The following ZNF791 variants were observed in gnomAD, a reference collection of about 807,000 sequenced individuals.
The protein encoded by ZNF791 is zinc finger protein 791.
Under a neutral mutation model 11.5 loss-of-function variants are expected in ZNF791, and 4 were observed. The observed-to-expected ratio is 0.35, with a 90% CI of 0.17 to 0.80. The LOEUF (loss-of-function observed/expected upper bound fraction) is 0.80. Among genes scored for constraint, ZNF791 ranks in the 30% least tolerant of loss-of-function variants. The pLI, the probability that ZNF791 is intolerant of heterozygous loss-of-function variation, is 0.53. For missense variants in ZNF791, 559 were observed against 699.4 expected, an observed-to-expected ratio of 0.80 and a Z score of 2.26; for synonymous variants, 212 against 228.1, an observed-to-expected ratio of 0.93 and a Z score of 0.64.
rs1377212856 is a variant in ZNF791, at chr19:12,629,286, A to G, written c.*26A>G. The G allele has an allele frequency of 7.1e-7, 1 of 1,413,394 alleles. No individual in the cohort carries two copies. Among genetic ancestry groups the G allele is most frequent in the Admixed American group, 2.6e-5 (1 of 38,100 alleles). The allele number at this position is 1,413,394 out of a possible 1,614,324, so 87.6% of individuals were successfully genotyped here. On this transcript the variant is annotated 3_prime_UTR_variant, in exon 4 of 4. Coordinates refer to ENST00000343325, the MANE Select transcript of ZNF791 (RefSeq NM_153358.3). ...AAACTCTATAAATGTGAGAAATAGG[A>G]GAAAGTTTTCAATTCTAACAGATGC...
At chr19:12,623,870 T>TG (rs767345076) in intron 2 of ZNF791, 44 bp downstream of exon 2, 12,963 of 712,650 alleles carry the variant, frequency 0.018, 464 homozygotes, top group African/African-American at 0.076. Context: ...TTTTTTTTTT[T>TG]GGGGGGGGAC....
At chr19:12,623,345 C>CA (rs1279764952) in intron 1 of ZNF791, 6 of 212,036 alleles carry the variant, frequency 2.8e-5, no homozygotes, top group African/African-American at 1.4e-4. Flanking sequence ...GACTAGGCTC[C>CA]AATGAACTGT....
At chr19:12,621,797 C>T (rs12985783) in intron 1 of ZNF791, among the ~76,000 whole-genome samples, 7 of 123,246 alleles carry the variant, frequency 5.7e-5, no homozygotes, top group African/African-American at 9.8e-5. Context: ...CCCGGCCAGC[C>T]GCCCCGTCCG....
In ZNF791 at chr19:12,628,129, C is replaced by T. The variant is rs751835495; in HGVS notation, c.600C>T (p.Ser200=). 11 of 1,614,024 alleles carry T rather than the reference C, an allele frequency of 6.8e-6. No individual in the cohort carries two copies. The Admixed American group carries it at 1.0e-4, about 15-fold the overall frequency. The change falls in exon 4 of 4, where the codon TCC becomes TCT. Residue 200 remains serine, a synonymous_variant. Transcript: ENST00000343325. ...CKQCGKALSC[S]SSLRVHERIH... ...AATGTGGAAAAGCTCTTAGTTGTTC[C>T]AGTTCGCTTCGAGTTCATGAAAGGA...
chr19:12,629,481 C>T lies in ZNF791; in HGVS notation c.*221C>T, dbSNP rs2023472815. 1 of 375,788 alleles carries T rather than the reference C, an allele frequency of 2.7e-6. No homozygotes were observed. The highest frequency in any genetic ancestry group is 4.0e-5 in the East Asian group (1 of 25,040). The allele number at this position is 375,788 out of a possible 1,614,324, so 23.3% of individuals were successfully genotyped here. ...CCATAAGATTATATAACACCTAAAA[C>T]ATTTCTATCAACCGCAATTTAGTAG... On this transcript the variant is annotated 3_prime_UTR_variant, in exon 4 of 4. Coordinates refer to ENST00000343325, the MANE Select transcript of ZNF791 (RefSeq NM_153358.3).
Position 12,628,435 on chromosome 19 carries a change from T to G in ZNF791, c.906T>G (p.Cys302Trp). 6.2e-7 allele frequency: 1 copy of G among 1,610,164 alleles called. No individual in the cohort carries two copies. Among genetic ancestry groups the G allele is most frequent in the Non-Finnish European group, 8.5e-7 (1 of 1,178,138 alleles). ...ACACTGGAGAGAAACCCTATAAATG[T>G]AAACAATGTGGTAAAGCCTTCAGAT... ...RIHTGEKPYK[C>W]KQCGKAFRCS... Residue 302 changes from cysteine to tryptophan, a missense_variant, in exon 4 of 4, where the codon TGT becomes TGG. Transcript: ENST00000343325.
At position 12,630,155 on chromosome 19, in the gene ZNF791, CA is replaced by C. The variant is rs761895024; in HGVS notation, c.*913del. The C allele has an allele frequency of 5.1e-3, 600 of 118,316 alleles. 10 individuals are homozygous for C. Among genetic ancestry groups the C allele is most frequent in the East Asian group, 0.034 (137 of 4,022 alleles). The allele number at this position is 118,316 out of a possible 1,614,324, so 7.3% of individuals were successfully genotyped here. A position where few individuals can be genotyped will look rare whatever the true frequency, so the allele number is the denominator to read the frequency against. ...AGCATGGGTGACAGTGAGACTGTAT[CA>C]AAAAAAAAAAAAAAAAATTGGCTGG... On this transcript the variant is annotated 3_prime_UTR_variant, in exon 4 of 4. Transcript: ENST00000343325.
At chr19:12,619,954 C>T (rs940821760) in intron 1 of ZNF791, among the ~76,000 whole-genome samples, 8 of 151,428 alleles carry the variant, frequency 5.3e-5, no homozygotes, top group Admixed American at 4.6e-4. Flanking sequence ...GACGGAGTCT[C>T]GCTCTGTCGC....
intron 1 of ZNF791, among the ~76,000 whole-genome samples, chr19:12,614,924 T>TTTTTTTTTTTTTTC (rs2023221717): frequency 7.5e-6 from 1 of 134,044 alleles, no homozygotes; most frequent in Non-Finnish European, 1.6e-5. Flanking sequence ...TTTTTTTTTT[T>TTTTTTTTTTTTTTC]TTTGATACAG....
At chr19:12,622,011 A>G (rs2023357330) in intron 1 of ZNF791, among the ~76,000 whole-genome samples, 1 of 135,932 alleles carries the variant, frequency 7.4e-6, no homozygotes, top group African/African-American at 2.6e-5. Flanking sequence ...TGCACTAAGA[A>G]AAATTCCTCT....
chr19:12,625,121 TTTTA>T (rs2023407206), intron 3 of ZNF791, among the ~76,000 whole-genome samples: 1 of 142,754 alleles, frequency 7.0e-6, no homozygotes, highest in African/African-American at 2.8e-5. Context: ...TATTTATTTG[TTTTA>T]TTTATTTTTT....
In ZNF791 at chr19:12,611,042, C is replaced by G. The variant is rs371871075; in HGVS notation, c.-38C>G. The stretch of plus-strand genomic sequence containing the variant: ...CTGTACCCTGCGCTGGCTCCGTGAA[C>G]CTTAGGGACAACACCGGGACACCCG... On this transcript the variant is annotated 5_prime_UTR_variant, in exon 1 of 4. Coordinates refer to ENST00000343325, the MANE Select transcript of ZNF791 (RefSeq NM_153358.3). 1 of 1,614,140 alleles carries G rather than the reference C, an allele frequency of 6.2e-7. No homozygotes were observed. Among genetic ancestry groups the G allele is most frequent in the South Asian group, 1.1e-5 (1 of 91,088 alleles).
intron 1 of ZNF791, among the ~76,000 whole-genome samples, chr19:12,622,411 C>CA (rs370413296): frequency 0.13 from 10,266 of 79,586 alleles, 896 homozygotes; most frequent in African/African-American, 0.18. Flanking sequence ...CTGTCTCAAA[C>CA]AAAAAAAAAA....
chr19:12,625,856 G>T (rs1280501743), intron 3 of ZNF791, among the ~76,000 whole-genome samples: 1 of 150,576 alleles, frequency 6.6e-6, no homozygotes, highest in African/African-American at 2.4e-5. Flanking sequence ...TTGTTTGTTT[G>T]TTTTGTGAAA....
At chr19:12,620,309 G>C (rs1392321705) in intron 1 of ZNF791, among the ~76,000 whole-genome samples, 1 of 152,076 alleles carries the variant, frequency 6.6e-6, no homozygotes, top group Non-Finnish European at 1.5e-5. Context: ...CCAAGTAGCT[G>C]AGACCACAGG....
Position 12,629,116 on chromosome 19 carries a change from T to C in ZNF791, c.1587T>C (p.Cys529=). The part of the protein sequence containing the change: ...TGEKPYKCKE[C]GKAFSLHSSF... ...AGAAACCCTATAAATGTAAAGAATG[T>C]GGGAAGGCCTTTAGTCTTCACAGTT... The change falls in exon 4 of 4, where the codon TGT becomes TGC. Residue 529 remains cysteine, a synonymous_variant. Coordinates refer to ENST00000343325, the MANE Select transcript of ZNF791 (RefSeq NM_153358.3). 1.2e-6 allele frequency: 2 copies of C among 1,605,782 alleles called. No homozygotes were observed. Among genetic ancestry groups the C allele is most frequent in the South Asian group, 2.2e-5 (2 of 89,432 alleles).
rs57575424 is a variant in ZNF791, at chr19:12,614,892, C to CTTTTTTTTTTTTTTTT, written c.3+3830_3+3845dup. ...ACAGGTGTGAGCCACTGCGTCCGGC[C>CTTTTTTTTTTTTTTTT]TTTTTTTTTTTTTTTTTTTTTTTTT... On this transcript the variant is annotated intron_variant, in intron 1 of 3. Coordinates refer to ENST00000343325, the MANE Select transcript of ZNF791 (RefSeq NM_153358.3). Among the ~76,000 whole-genome samples, 27 of 17,562 alleles carry CTTTTTTTTTTTTTTTT rather than the reference C, an allele frequency of 1.5e-3. 9 individuals are homozygous for CTTTTTTTTTTTTTTTT. Among genetic ancestry groups the CTTTTTTTTTTTTTTTT allele is most frequent in the Non-Finnish European group, 2.5e-3 (19 of 7,720 alleles). The allele number at this position is 17,562 out of a possible 152,430, so 11.5% of individuals were successfully genotyped here. A position where few individuals can be genotyped will look rare whatever the true frequency, so the allele number is the denominator to read the frequency against.
chr19:12,621,553 A>C (rs1434897643), intron 1 of ZNF791, among the ~76,000 whole-genome samples: 1 of 151,826 alleles, frequency 6.6e-6, no homozygotes, highest in Non-Finnish European at 1.5e-5. Flanking sequence ...CCATTCAGTC[A>C]GCAGAATCTG....
chr19:12,616,544 T>G (rs1393832198), intron 1 of ZNF791, among the ~76,000 whole-genome samples: 1 of 152,116 alleles, frequency 6.6e-6, no homozygotes, highest in African/African-American at 2.4e-5. Flanking sequence ...GAAAAAAAAT[T>G]AGCCCAATGT....
Sources: gnomAD v4.1 joint callset for allele counts (sites outside exome capture counted in the v4.1 genomes callset) on GRCh38, gnomAD v4.1.1 for gene constraint, MANE v1.5 for transcripts, NCBI Gene and HGNC (gene_info 2026-07-23, HGNC 2026-07-21) for gene names.